The following PFKP variants were observed in gnomAD, a reference collection of about 807,000 sequenced individuals.
PFKP encodes ATP-dependent 6-phosphofructokinase, platelet type.
In PFKP, 101 loss-of-function variants were observed where a neutral mutation model predicts 94.3. That is an observed-to-expected ratio of 1.07 (90% CI 0.91 to 1.26). The LOEUF is 1.26. PFKP is among the 50% of genes most tolerant of loss of function. The pLI is 0.00. For missense variants in PFKP, 1,145 were observed against 1,103.3 expected, an observed-to-expected ratio of 1.04 and a Z score of -0.53; for synonymous variants, 573 against 432.6, an observed-to-expected ratio of 1.32 and a Z score of -4.03.
chr10:3,118,990 C>A, intron 15 of PFKP, 121 bp downstream of exon 15: 2 of 680,940 alleles, frequency 2.9e-6, no homozygotes, highest in East Asian at 3.0e-5. Context: ...CCAGACCCAG[C>A]GGCCACTGGA....
At chr10:3,088,131 G>A (rs1198906624) in intron 2 of PFKP, among the ~76,000 whole-genome samples, 1 of 143,214 alleles carries the variant, frequency 7.0e-6, no homozygotes, top group Non-Finnish European at 1.5e-5. Flanking sequence ...ATCTCCTAAT[G>A]CTATCCCTCC....
rs756740808 is a variant in PFKP at position 3,105,390 on chromosome 10, T to G, written c.666-3T>G. 5 of 1,611,674 alleles carry G rather than the reference T, an allele frequency of 3.1e-6. No homozygotes were observed. Among genetic ancestry groups the G allele is most frequent in the Non-Finnish European group, 4.2e-6 (5 of 1,177,926 alleles). On this transcript the variant is annotated splice_region_variant and splice_polypyrimidine_tract_variant and intron_variant, in intron 6 of 21. Transcript: ENST00000381125. Reference sequence around the variant, plus strand: ...TGTTGATGCTGTTGCCTTGTCCACATAGGTACCTGGCCCTGGTGAGTGCCT... The same window carrying G: ...TGTTGATGCTGTTGCCTTGTCCACAGAGGTACCTGGCCCTGGTGAGTGCCT...
chr10:3,119,968 C>G lies in PFKP; in HGVS notation c.1607C>G (p.Pro536Arg). The change falls in exon 16 of 22, where the codon CCC becomes CGC. Residue 536 changes from proline (P) to arginine (R), a missense_variant. By Grantham distance (103) the Pro-to-Arg change is moderately radical. Transcript: ENST00000381125. ...TTCTGTGTCCCCATGGTCATGGTTCCCGCTACTGTGTCCAACAATGTGCCG... is the reference window on the plus strand; with the variant it reads ...TTCTGTGTCCCCATGGTCATGGTTCGCGCTACTGTGTCCAACAATGTGCCG... ...EEFCVPMVMV[P>R]ATVSNNVPGS... 1 of 1,614,132 alleles carries G rather than the reference C, an allele frequency of 6.2e-7. No individual in the cohort carries two copies. Among genetic ancestry groups the G allele is most frequent in the Non-Finnish European group, 8.5e-7 (1 of 1,179,998 alleles).
At chr10:3,112,517 G>A (rs1836351403) in intron 11 of PFKP, among the ~76,000 whole-genome samples, 1 of 152,200 alleles carries the variant, frequency 6.6e-6, no homozygotes, top group South Asian at 2.1e-4. Context: ...GGTTGTTTAG[G>A]AGCTAATGAG....
intron 2 of PFKP, among the ~76,000 whole-genome samples, chr10:3,091,108 G>A (rs928960642): frequency 1.3e-5 from 2 of 152,144 alleles, no homozygotes; most frequent in Non-Finnish European, 2.9e-5. Context: ...CCAAGCCTAC[G>A]TGTGAAGCAT....
intron 17 of PFKP, among the ~76,000 whole-genome samples, chr10:3,131,387 C>T (rs969280222): frequency 3.9e-5 from 6 of 152,176 alleles, no homozygotes; most frequent in Admixed American, 3.3e-4. Flanking sequence ...TTTCAGAAAT[C>T]TATCCAAAGA....
intron 16 of PFKP, among the ~76,000 whole-genome samples, chr10:3,127,030 C>T (rs900618412): frequency 6.6e-6 from 1 of 152,278 alleles, no homozygotes; most frequent in Non-Finnish European, 1.5e-5. Flanking sequence ...ACCTCCGTGC[C>T]ACACTGCAGG....
chr10:3,113,884 G>A (rs922365338), intron 13 of PFKP, among the ~76,000 whole-genome samples: 1 of 152,172 alleles, frequency 6.6e-6, no homozygotes, highest in Non-Finnish European at 1.5e-5. Context: ...GTGTGCACAA[G>A]CACCCACTGA....
chr10:3,130,469 C>T (rs55760461), intron 17 of PFKP, among the ~76,000 whole-genome samples: 7 of 152,286 alleles, frequency 4.6e-5, no homozygotes, highest in Non-Finnish European at 8.8e-5. Context: ...CCTGCTTGGA[C>T]GACACAGCAG....
intron 11 of PFKP, 35 bp downstream of exon 11, chr10:3,112,321 G>T: frequency 6.6e-7 from 1 of 1,525,286 alleles, no homozygotes; most frequent in Admixed American, 1.7e-5. Context: ...GCCCTGTCAG[G>T]AACACACACC....
chr10:3,088,581 C>T (rs11251710), intron 2 of PFKP, among the ~76,000 whole-genome samples: 21,190 of 152,072 alleles, frequency 0.14, 1,840 homozygotes, highest in East Asian at 0.32. Flanking sequence ...GGTTTGATGC[C>T]GTGCACTCCC....
chr10:3,107,222 C>G lies in PFKP; in HGVS notation c.783C>G (p.Ala261=), dbSNP rs1186190788. The G allele has an allele frequency of 6.2e-7, 1 of 1,605,892 alleles. No homozygotes were observed. Among genetic ancestry groups the G allele is most frequent in the Non-Finnish European group, 8.5e-7 (1 of 1,173,586 alleles). The part of the protein sequence containing the change: ...QMCVKLSENR[A]RKKRLNIIIV... ...ATTTTCTGTCTCCACAGAACCGTGC[C>G]CGGAAAAAAAGGCTGAATATTATTA... The change falls in exon 8 of 22, where the codon GCC becomes GCG. Residue 261 remains alanine (A), a synonymous_variant. Transcript: ENST00000381125.
At chr10:3,106,171 A>G (rs1166917308) in intron 7 of PFKP, among the ~76,000 whole-genome samples, 1 of 152,140 alleles carries the variant, frequency 6.6e-6, no homozygotes, top group African/African-American at 2.4e-5. Context: ...GGAGTGGTTC[A>G]CAGGGAGATG....
chr10:3,072,469 T>G (rs1832270861), intron 1 of PFKP, among the ~76,000 whole-genome samples: 1 of 152,138 alleles, frequency 6.6e-6, no homozygotes, highest in Non-Finnish European at 1.5e-5. Context: ...CATTATTTGA[T>G]GGGATCTTTT....
chr10:3,131,391 C>T (rs1838573262), intron 17 of PFKP, among the ~76,000 whole-genome samples: 1 of 152,164 alleles, frequency 6.6e-6, no homozygotes, highest in African/African-American at 2.4e-5. Context: ...AGAAATCTAT[C>T]CAAAGATCCT....
intron 4 of PFKP, among the ~76,000 whole-genome samples, chr10:3,103,342 T>A (rs1157753575): frequency 6.6e-6 from 1 of 152,190 alleles, no homozygotes; most frequent in Non-Finnish European, 1.5e-5. Flanking sequence ...CCGGTTGCCT[T>A]GAGTTCGGAG....
At chr10:3,119,865 C>T (rs1426051796) in intron 15 of PFKP, 27 bp from the exon 16 acceptor site, 2 of 1,612,922 alleles carry the variant, frequency 1.2e-6, no homozygotes, top group Non-Finnish European at 1.7e-6. Context: ...TCCCTCTCGC[C>T]CCACAACTCC....
chr10:3,082,245 AGAG>A (rs913892683), intron 1 of PFKP, 140 bp from the exon 2 acceptor site: 6 of 506,164 alleles, frequency 1.2e-5, no homozygotes, highest in African/African-American at 1.2e-4. Flanking sequence ...CCCTAATCCC[AGAG>A]GAGTGTGTGT....
At chr10:3,105,273 C>T (rs1835421886) in intron 6 of PFKP, 114 bp downstream of exon 6, 15 of 1,307,752 alleles carry the variant, frequency 1.1e-5, no homozygotes, top group African/African-American at 1.4e-5. Context: ...CCTGAAGGGG[C>T]CGGCATCCCG....
Sources: gnomAD v4.1 joint callset for allele counts (sites outside exome capture counted in the v4.1 genomes callset) on GRCh38, gnomAD v4.1.1 for gene constraint, MANE v1.5 for transcripts, NCBI Gene and HGNC (gene_info 2026-07-23, HGNC 2026-07-21) for gene names.